KLF16: variants seen among roughly 807,000 people sequenced by gnomAD.
The protein encoded by KLF16 is Krueppel-like factor 16.
Under a neutral mutation model 6.1 loss-of-function variants are expected in KLF16, and 6 were observed. The observed-to-expected ratio is 0.98, with a 90% confidence interval of 0.54 to 1.93. The LOEUF (loss-of-function observed/expected upper bound fraction) is 1.93. Among genes scored for constraint, KLF16 ranks in the 30% most tolerant of loss-of-function variants. The pLI, the probability that KLF16 is intolerant of heterozygous loss-of-function variation, is 0.01. For synonymous variants in KLF16, 211 were observed against 176.5 expected (o/e 1.20, Z -1.55); for missense variants, 355 against 363.8 (o/e 0.98, Z 0.20).
At chr19:1,861,118 T>C (rs947517447) in intron 1 of KLF16, among the ~76,000 whole-genome samples, 3 of 151,990 alleles carry the variant, frequency 2.0e-5, no homozygotes, top group Non-Finnish European at 2.9e-5. Context: ...CAATACTGCC[T>C]TCCCAGGACT....
chr19:1,870,626 G>A, the KLF16 span, among the ~76,000 whole-genome samples: 1 of 151,998 alleles, frequency 6.6e-6, no homozygotes, highest in African/African-American at 2.4e-5. Context: ...AGGGAGCCAT[G>A]ATCACACCAC....
intron 1 of KLF16, among the ~76,000 whole-genome samples, chr19:1,860,970 A>G (rs2012052499): frequency 6.6e-6 from 1 of 151,636 alleles, no homozygotes; most frequent in Non-Finnish European, 1.5e-5. Context: ...GGGGTGGGGG[A>G]GGGTGCCAGG....
the KLF16 span, among the ~76,000 whole-genome samples, chr19:1,869,768 G>A: frequency 2.0e-5 from 3 of 151,980 alleles, no homozygotes; most frequent in Non-Finnish European, 2.9e-5. Flanking sequence ...CGCCACGCCC[G>A]GCTAAATTTT....
upstream of KLF16, among the ~76,000 whole-genome samples, chr19:1,864,226 C>T (rs2012144037): frequency 6.6e-6 from 1 of 151,746 alleles, no homozygotes; most frequent in Non-Finnish European, 1.5e-5. Flanking sequence ...CCCACGTGGC[C>T]GGGGTTGGAG....
rs931550134 is a variant in KLF16, at chr19:1,857,907, G to A, written c.458-3147C>T. Among the ~76,000 whole-genome samples the A allele has an allele frequency of 2.6e-5, 4 of 152,042 alleles. 1 individual carries two copies. Among genetic ancestry groups the A allele is most frequent in the Non-Finnish European group, 5.9e-5 (4 of 67,982 alleles). ...AGAACCTATAGGCAGCTGCTTCTGG[G>A]AGCCGCTGCAGAAAAGGGGGAACAC... is the stretch of plus-strand genomic sequence containing the variant. On this transcript the variant is annotated intron_variant, in intron 1 of 1. Coordinates refer to ENST00000250916, the MANE Select transcript of KLF16 (RefSeq NM_031918.4). The surrounding 1 kb of genome is among the most constrained non-coding windows in gnomAD (Gnocchi z 4.7).
chr19:1,860,063 C>T (rs957346979), intron 1 of KLF16, among the ~76,000 whole-genome samples: 17 of 142,434 alleles, frequency 1.2e-4, no homozygotes, highest in Non-Finnish European at 2.4e-4. Flanking sequence ...GGGAGGGTGT[C>T]GGCAAACCCT....
In KLF16 at chr19:1,856,963, G is replaced by C. The variant is rs867866621; in HGVS notation, c.458-2203C>G. ...GGAGCAGGTTGCCGGGGTGGGGGGG[G>C]CGACCGGGGCAGGGGCGCGCAGCCG... On this transcript the variant is annotated intron_variant, in intron 1 of 1. Transcript: ENST00000250916. Among the ~76,000 whole-genome samples, 94 of 117,322 alleles carry C rather than the reference G, an allele frequency of 8.0e-4. 9 individuals carry two copies. The highest frequency in any genetic ancestry group is 2.4e-3 in the African/African-American group (53 of 22,518). The allele number at this position is 117,322 out of a possible 152,430, so 77.0% of individuals were successfully genotyped here.
chr19:1,864,536 G>T (rs947395389), upstream of KLF16, among the ~76,000 whole-genome samples: 3 of 152,272 alleles, frequency 2.0e-5, no homozygotes, highest in Admixed American at 2.0e-4. Flanking sequence ...TTGGGTCCCA[G>T]AGGGTCGGGA....
the KLF16 span, chr19:1,875,190 T>A: frequency 6.6e-6 from 1 of 152,148 alleles, no homozygotes; most frequent in Non-Finnish European, 1.5e-5. Flanking sequence ...AAGAAAATAG[T>A]CCGACTTGGG....
upstream of KLF16, among the ~76,000 whole-genome samples, chr19:1,864,774 G>A (rs1568735566): frequency 6.6e-6 from 1 of 152,232 alleles, no homozygotes; most frequent in Admixed American, 6.5e-5. Flanking sequence ...GGGGACACCA[G>A]GGACGCGGAT....
upstream of KLF16, among the ~76,000 whole-genome samples, chr19:1,863,725 C>A (rs1449548078): frequency 7.0e-6 from 1 of 143,326 alleles, no homozygotes; most frequent in Non-Finnish European, 1.5e-5. Flanking sequence ...AGGACGCCCC[C>A]TCGGGGCGCC....
upstream of KLF16, among the ~76,000 whole-genome samples, chr19:1,867,709 T>C (rs1430251979): frequency 6.6e-6 from 1 of 151,114 alleles, no homozygotes; most frequent in Non-Finnish European, 1.5e-5. Flanking sequence ...CTACGAACAG[T>C]ACAAAAATTA....
Position 1,857,080 on chromosome 19 carries a change from G to GGGGCCAGGGGGCCC in KLF16, c.458-2334_458-2321dup, listed in dbSNP as rs1343864654. On this transcript the variant is annotated intron_variant, in intron 1 of 1. Coordinates refer to ENST00000250916, the MANE Select transcript of KLF16 (RefSeq NM_031918.4). This position sits in a 1 kb window ranked among gnomAD's most constrained non-coding sequence, Gnocchi z 4.7. ...CCGCTCACGTGGTCCCACTCCCGCCGGGGCCAGGGGGCCCGGGCCAGGGTC... is the reference window on the plus strand; with the variant it reads ...CCGCTCACGTGGTCCCACTCCCGCCGGGGCCAGGGGGCCCGGGCCAGGGGGCCCGGGCCAGGGTC... 6.6e-6 allele frequency among the ~76,000 whole-genome samples: 1 copy of GGGGCCAGGGGGCCC among 151,744 alleles called. No homozygotes were observed. Among genetic ancestry groups the GGGGCCAGGGGGCCC allele is most frequent in the Non-Finnish European group, 1.5e-5 (1 of 67,942 alleles).
chr19:1,869,969 T>C, the KLF16 span, among the ~76,000 whole-genome samples: 1 of 133,364 alleles, frequency 7.5e-6, no homozygotes, highest in Non-Finnish European at 1.6e-5. Flanking sequence ...AGTCTCCCTC[T>C]GTCGCCAGGC....
At position 1,854,360 on chromosome 19, in the gene KLF16, T is replaced by G; in HGVS notation, c.*99A>C. On this transcript the variant is annotated 3_prime_UTR_variant, in exon 2 of 2. Transcript: ENST00000250916. ...AGGGGGGCAGGGGTGTCTTCAGGGT[T>G]TGCCCACGGCTGGAAGGGGCCCAGG... The G allele has an allele frequency of 7.5e-7, 1 of 1,332,370 alleles. No individual in the cohort carries two copies. The highest frequency in any genetic ancestry group is 9.6e-7 in the Non-Finnish European group (1 of 1,041,928). 82.5% of individuals were successfully genotyped at this position (1,332,370 alleles called of 1,614,324 possible).
the KLF16 span, among the ~76,000 whole-genome samples, chr19:1,872,410 C>T: frequency 2.0e-5 from 3 of 152,204 alleles, no homozygotes; most frequent in South Asian, 2.1e-4. Flanking sequence ...GCATTACAGG[C>T]GTGAGCCACC....
the KLF16 span, chr19:1,876,098 GC>G: frequency 6.6e-6 from 1 of 152,392 alleles, no homozygotes; most frequent in Non-Finnish European, 1.5e-5. Flanking sequence ...GGTCCCAGCG[GC>G]CGCCACTTAC....
At chr19:1,859,237 C>T (rs1181032829) in intron 1 of KLF16, among the ~76,000 whole-genome samples, 1 of 152,094 alleles carries the variant, frequency 6.6e-6, no homozygotes, top group Non-Finnish European at 1.5e-5. Flanking sequence ...GGCATGGCTG[C>T]TTCCCCCTCT....
rs2011909904 is a variant in KLF16, at chr19:1,854,606, C to T, written c.612G>A (p.Lys204=). 6.3e-7 allele frequency: 1 copy of T among 1,596,112 alleles called. No individual in the cohort carries two copies. ...GGAAGCCGGGGTGGCGGCGGGCGTG[C>T]TTGGCCAGGTGGTCACTGCGGGTGA... The part of the protein sequence containing the change: ...KRFTRSDHLA[K]HARRHPGFHP... Residue 204 remains lysine, a synonymous_variant, in exon 2 of 2, where the codon AAG becomes AAA. Transcript: ENST00000250916.
Sources: gnomAD v4.1 joint callset for allele counts (sites outside exome capture counted in the v4.1 genomes callset) on GRCh38, gnomAD v4.1.1 for gene constraint, Gnocchi (gnomAD v3.1) non-coding constraint, MANE v1.5 for transcripts, NCBI Gene and HGNC (gene_info 2026-07-23, HGNC 2026-07-21) for gene names.